Variants in ARHGEF10 observed in about 807,000 individuals in gnomAD.
ARHGEF10 encodes Rho guanine nucleotide exchange factor (GEF) 10.
In ARHGEF10, 140 loss-of-function variants were observed where a neutral mutation model predicts 147.4. That is an observed-to-expected ratio of 0.95 (90% confidence interval 0.83 to 1.09). The LOEUF (loss-of-function observed/expected upper bound fraction) is 1.09. Ranked by LOEUF, ARHGEF10 falls within the 50% of genes least tolerant of loss-of-function variation. ARHGEF10 has a pLI of 0.00. For missense variants in ARHGEF10, 2,222 were observed against 1,752.7 expected (o/e 1.27, Z -4.78); for synonymous variants, 902 against 695.8 (o/e 1.30, Z -4.67).
chr8:1,850,105 GCCGGCT>G, intron 2 of ARHGEF10, among the ~76,000 whole-genome samples: 1 of 135,796 alleles, frequency 7.4e-6, no homozygotes, highest in Non-Finnish European at 1.6e-5. Context: ...GAGGGCGTGG[GCCGGCT>G]GCATGGACAC....
At position 1,957,010 on chromosome 8, in the gene ARHGEF10, G is replaced by T; in HGVS notation, c.3782G>T (p.Gly1261Val). 1 of 1,614,040 alleles carries T rather than the reference G, an allele frequency of 6.2e-7. No individual in the cohort carries two copies. The highest frequency in any genetic ancestry group is 8.5e-7 in the Non-Finnish European group (1 of 1,180,044). The change falls in exon 29 of 29, where the codon GGG (glycine) becomes GTG (valine). Residue 1261 changes from glycine (G) to valine (V), a missense_variant. Gly to Val is a moderately radical substitution (Grantham distance 109). Transcript: ENST00000349830. ...TQKSDLSSSS[G>V]SLSLSHGSSS... Reference sequence around the variant, plus strand: ...AAAAGCGACCTGTCCTCCTCATCTGGGTCCCTGAGCTTGTCTCACGGCTCC... The same window carrying T: ...AAAAGCGACCTGTCCTCCTCATCTGTGTCCCTGAGCTTGTCTCACGGCTCC...
Position 1,858,016 on chromosome 8 carries a change from G to T in ARHGEF10, c.94G>T (p.Asp32Tyr), listed in dbSNP as rs748385032. Residue 32 changes from aspartate to tyrosine, a missense_variant, in exon 3 of 29, where the codon GAT (aspartate) becomes TAT (tyrosine). By Grantham distance (160) the Asp-to-Tyr change is radical. Coordinates refer to ENST00000349830, the MANE Select transcript of ARHGEF10 (RefSeq NM_014629.4). ...NNEEEEGEQF[D>Y]FDSGDEIPEA... The stretch of plus-strand genomic sequence containing the variant: ...TGAAGAGGAAGAGGGAGAACAGTTC[G>T]ATTTTGACAGTGGAGATGAAATCCC... 1.9e-6 allele frequency: 3 copies of T among 1,614,100 alleles called. No homozygotes were observed. The highest frequency in any genetic ancestry group is 2.5e-6 in the Non-Finnish European group (3 of 1,180,004).
intron 26 of ARHGEF10, among the ~76,000 whole-genome samples, chr8:1,938,688 C>T (rs906813594): frequency 5.3e-5 from 8 of 152,264 alleles, no homozygotes; most frequent in African/African-American, 1.9e-4. Flanking sequence ...GTAATCCCAG[C>T]CACTTGGGAG....
intron 4 of ARHGEF10, among the ~76,000 whole-genome samples, chr8:1,863,519 G>C (rs1806325207): frequency 6.6e-6 from 1 of 152,228 alleles, no homozygotes; most frequent in Admixed American, 6.5e-5. Flanking sequence ...CAGCCGCTGA[G>C]TGCTGCTGGC....
At chr8:1,918,968 G>A (rs1312393025) in intron 18 of ARHGEF10, among the ~76,000 whole-genome samples, 4 of 151,388 alleles carry the variant, frequency 2.6e-5, no homozygotes, top group South Asian at 2.1e-4. Flanking sequence ...TGTGGGTGAC[G>A]GAGCTGTTCT....
chr8:1,945,498 C>T lies in ARHGEF10; in HGVS notation c.3240C>T (p.His1080=). 1 of 1,606,912 alleles carries T rather than the reference C, an allele frequency of 6.2e-7. No individual in the cohort carries two copies. The highest frequency in any genetic ancestry group is 1.1e-5 in the South Asian group (1 of 90,020). The change falls in exon 27 of 29, where the codon CAC becomes CAT. Residue 1080 remains histidine (H), a synonymous_variant. Coordinates refer to ENST00000349830, the MANE Select transcript of ARHGEF10 (RefSeq NM_014629.4). The part of the protein sequence containing the change: ...THAVEGQLEA[H]QEEGMVISHM... ...TTTCACAGGGTCAGCTGGAGGCCCA[C>T]CAGGAGGAAGGCATGGTGATCTCCC... is the stretch of plus-strand genomic sequence containing the variant.
chr8:1,920,032 A>ATGGGTGATGGGGCTGTTCCG (rs1563286362), intron 18 of ARHGEF10, among the ~76,000 whole-genome samples: 2 of 106,014 alleles, frequency 1.9e-5, no homozygotes, highest in South Asian at 3.0e-4. Context: ...GAGCTGTTCT[A>ATGGGTGATGGGGCTGTTCCG]TGGGTGATGG....
At chr8:1,847,439 A>T (rs764535525) in intron 2 of ARHGEF10, among the ~76,000 whole-genome samples, 2 of 152,216 alleles carry the variant, frequency 1.3e-5, no homozygotes, top group Non-Finnish European at 2.9e-5. Flanking sequence ...CAAAATTCCA[A>T]TGCAAATTAC....
chr8:1,859,133 G>A (rs908678546), intron 3 of ARHGEF10, among the ~76,000 whole-genome samples: 2 of 86,410 alleles, frequency 2.3e-5, no homozygotes, highest in African/African-American at 8.1e-5. Context: ...TTTGTGCGCA[G>A]CACGCGCCTC....
Position 1,898,487 on chromosome 8 carries a change from C to G in ARHGEF10, c.1612C>G (p.Pro538Ala), listed in dbSNP as rs1810197671. Residue 538 changes from proline (P) to alanine (A), a missense_variant, in exon 15 of 29, where the codon CCC (proline) becomes GCC (alanine). By Grantham distance (27) the Pro-to-Ala change is conservative. Coordinates refer to ENST00000349830, the MANE Select transcript of ARHGEF10 (RefSeq NM_014629.4). ...CACGCTCTACAGCCTGATGATGAAG[C>G]CCATCCAGAGGTTCCCACAGTTCAT... Reference protein sequence around the residue: ...RTTLYSLMMKPIQRFPQFILL... With the variant: ...RTTLYSLMMKAIQRFPQFILL... The G allele has an allele frequency of 6.2e-7, 1 of 1,614,012 alleles. No individual in the cohort carries two copies. Among genetic ancestry groups the G allele is most frequent in the African/African-American group, 1.3e-5 (1 of 74,926 alleles).
chr8:1,840,297 G>T (rs1216692738), intron 1 of ARHGEF10, among the ~76,000 whole-genome samples: 6 of 130,178 alleles, frequency 4.6e-5, no homozygotes, highest in East Asian at 2.5e-4. Flanking sequence ...CTGTGTGGAA[G>T]CTGTCTGGTG....
chr8:1,877,371 G>T (rs552249044), intron 8 of ARHGEF10, among the ~76,000 whole-genome samples: 1 of 152,146 alleles, frequency 6.6e-6, no homozygotes, highest in East Asian at 1.9e-4. Context: ...GGGATTACAG[G>T]TGCCTGCCAT....
intron 15 of ARHGEF10, among the ~76,000 whole-genome samples, chr8:1,902,370 G>A (rs370941413): frequency 9.9e-5 from 15 of 152,256 alleles, no homozygotes; most frequent in Middle Eastern, 3.4e-3. Context: ...GCCTGTTAAC[G>A]TTTATCCTGT....
At chr8:1,844,465 T>TCACCGGGGCCTGGTAGATGACA (rs1329433075) in intron 2 of ARHGEF10, among the ~76,000 whole-genome samples, 12 of 151,454 alleles carry the variant, frequency 7.9e-5, no homozygotes, top group Admixed American at 3.3e-4. Flanking sequence ...AATCCAGGGG[T>TCACCGGGGCCTGGTAGATGACA]GAGCAGTGGC....
chr8:1,873,283 A>C (rs982502602), intron 7 of ARHGEF10, among the ~76,000 whole-genome samples: 4 of 152,246 alleles, frequency 2.6e-5, no homozygotes, highest in Non-Finnish European at 5.9e-5. Context: ...ACCGTGCAGA[A>C]GTATCCAGTA....
At chr8:1,841,006 T>C (rs1238079536) in intron 1 of ARHGEF10, among the ~76,000 whole-genome samples, 1 of 152,194 alleles carries the variant, frequency 6.6e-6, no homozygotes, top group Non-Finnish European at 1.5e-5. Context: ...GGTGGAGCGA[T>C]GACCTCACTT....
chr8:1,924,509 C>A (rs1812540045), intron 21 of ARHGEF10, among the ~76,000 whole-genome samples: 1 of 152,192 alleles, frequency 6.6e-6, no homozygotes, highest in Non-Finnish European at 1.5e-5. Flanking sequence ...TGTAGATAAT[C>A]TGAAATGTTA....
At chr8:1,953,122 G>T (rs1261665462) in intron 28 of ARHGEF10, among the ~76,000 whole-genome samples, 1 of 152,228 alleles carries the variant, frequency 6.6e-6, no homozygotes, top group East Asian at 1.9e-4. Context: ...AAGGAAGCCG[G>T]GATCTCCGTT....
rs1296297054 is a variant in ARHGEF10 at position 1,869,236 on chromosome 8, C to CA, written c.666dup (p.Asp223ArgfsTer3). The CA allele has an allele frequency of 6.2e-7, 1 of 1,613,974 alleles. No homozygotes were observed. The highest frequency in any genetic ancestry group is 1.7e-5 in the Admixed American group (1 of 60,030). The stretch of plus-strand genomic sequence containing the variant: ...TACGATGACGTTCCAAGGGAAAACT[C>CA]AGACTCTGAACCAGGTTTGATTTTG... On this transcript the variant is annotated frameshift_variant, in exon 7 of 29. Coordinates refer to ENST00000349830, the MANE Select transcript of ARHGEF10 (RefSeq NM_014629.4). LOFTEE classifies it high-confidence loss of function.
Sources: gnomAD v4.1 joint callset for allele counts (sites outside exome capture counted in the v4.1 genomes callset) on GRCh38, gnomAD v4.1.1 for gene constraint, MANE v1.5 for transcripts, NCBI Gene and HGNC (gene_info 2026-07-23, HGNC 2026-07-21) for gene names.